SYN2: variants seen among roughly 807,000 people sequenced by gnomAD.
The protein encoded by SYN2 is synapsin II.
SYN2 carries 19 observed loss-of-function variants against 50.9 expected under a neutral mutation model. The ratio of observed to expected loss-of-function variants is 0.37; its 90% CI spans 0.26 to 0.55. The LOEUF is 0.55. SYN2 is among the 20% of genes least tolerant of loss of function. The pLI is 0.81. For synonymous variants in SYN2, 255 were observed against 224.9 expected (o/e 1.13, Z -1.20); for missense variants, 587 against 576.4 (o/e 1.02, Z -0.19).
chr3:12,059,744 G>A (rs927383414), intron 1 of SYN2, among the ~76,000 whole-genome samples: 4 of 151,882 alleles, frequency 2.6e-5, no homozygotes, highest in Admixed American at 1.3e-4. Context: ...CTAGCTAGGC[G>A]CCTGGAATTT....
chr3:12,025,169 G>C (rs9879260), intron 1 of SYN2, among the ~76,000 whole-genome samples: 1,564 of 152,144 alleles, frequency 0.01, 43 homozygotes, highest in African/African-American at 0.036. Context: ...CCCATCATGG[G>C]GGGGGAGGGG....
intron 1 of SYN2, among the ~76,000 whole-genome samples, chr3:12,078,809 A>G (rs1402687323): frequency 6.6e-6 from 1 of 152,168 alleles, no homozygotes; most frequent in Non-Finnish European, 1.5e-5. Context: ...TTTCATATGA[A>G]TTTTAAAATA....
intron 1 of SYN2, among the ~76,000 whole-genome samples, chr3:12,085,352 TACACAC>T (rs55795895): frequency 0.18 from 26,707 of 149,188 alleles, 2,489 homozygotes; most frequent in African/African-American, 0.21. Context: ...TGTTATGGAA[TACACAC>T]ACACACACAC....
Position 12,191,230 on chromosome 3 carries a change from C to T in SYN2, c.*605C>T. ...TCGGGAGAACAAGGATCTGCAGTTT[C>T]CCCTTTTCTCCCCTCTGAAGAGTGG... On this transcript the variant is annotated 3_prime_UTR_variant, in exon 13 of 13. Transcript: ENST00000621198. 2.1e-6 allele frequency: 2 copies of T among 959,682 alleles called. No homozygotes were observed. Among genetic ancestry groups the T allele is most frequent in the Non-Finnish European group, 2.5e-6 (2 of 806,538 alleles). 59.4% of individuals were successfully genotyped at this position (959,682 alleles called of 1,614,324 possible).
chr3:12,176,989 G>T (rs1698088045), intron 10 of SYN2, among the ~76,000 whole-genome samples: 1 of 152,184 alleles, frequency 6.6e-6, no homozygotes, highest in Non-Finnish European at 1.5e-5. Flanking sequence ...GGGGACTGGG[G>T]CTGTTGGAGC....
At position 12,187,546 on chromosome 3, in the gene SYN2, C is replaced by A. The variant is rs1220423606; in HGVS notation, c.1547C>A (p.Ser516Tyr). 1.9e-6 allele frequency: 3 copies of A among 1,552,328 alleles called. No homozygotes were observed. Among genetic ancestry groups the A allele is most frequent in the Non-Finnish European group, 2.6e-6 (3 of 1,147,222 alleles). Residue 516 changes from serine to tyrosine, a missense_variant, in exon 12 of 13, where the codon TCC becomes TAC. By Grantham distance (144) the Ser-to-Tyr change is moderately radical. Coordinates refer to ENST00000621198, the MANE Select transcript of SYN2 (RefSeq NM_133625.6). ...THGDAPSSSS[S>Y]LAEAQPPLAA... Reference sequence around the variant, plus strand: ...GGAGATGCACCCTCCAGCAGCAGCTCCCTGGCAGAGGCCCAGCCACCCCTG... The same window carrying A: ...GGAGATGCACCCTCCAGCAGCAGCTACCTGGCAGAGGCCCAGCCACCCCTG...
At chr3:12,179,145 A>G (rs1698162025) in intron 10 of SYN2, among the ~76,000 whole-genome samples, 1 of 152,086 alleles carries the variant, frequency 6.6e-6, no homozygotes, top group Non-Finnish European at 1.5e-5. Flanking sequence ...CTGATCACTA[A>G]GCCCAGTAGA....
chr3:12,124,772 T>C (rs930118353), intron 1 of SYN2, among the ~76,000 whole-genome samples: 1 of 152,136 alleles, frequency 6.6e-6, no homozygotes, highest in Non-Finnish European at 1.5e-5. Flanking sequence ...TATATACACA[T>C]GTAGTAAAAC....
chr3:12,111,391 A>C (rs1269220727), intron 1 of SYN2, among the ~76,000 whole-genome samples: 1 of 152,178 alleles, frequency 6.6e-6, no homozygotes, highest in Non-Finnish European at 1.5e-5. Context: ...GTGTAAATGG[A>C]CTAATACACT....
intron 1 of SYN2, among the ~76,000 whole-genome samples, chr3:12,092,609 T>C (rs935866856): frequency 1.3e-5 from 2 of 152,226 alleles, no homozygotes; most frequent in African/African-American, 4.8e-5. Context: ...ACCACTTATT[T>C]GGCATCCCTG....
In SYN2 at chr3:12,162,001, T is replaced by C. The variant is rs755678154; in HGVS notation, c.838-11T>C. On this transcript the variant is annotated splice_polypyrimidine_tract_variant and intron_variant, in intron 6 of 12. Coordinates refer to ENST00000621198, the MANE Select transcript of SYN2 (RefSeq NM_133625.6). ...CTCCCTTTCCCCCTTTCTGCCCTGCTCTAACATTAGGTCAAAGTGGAAAAC... is the reference window on the plus strand; with the variant it reads ...CTCCCTTTCCCCCTTTCTGCCCTGCCCTAACATTAGGTCAAAGTGGAAAAC... 1 of 1,613,938 alleles carries C rather than the reference T, an allele frequency of 6.2e-7. No individual in the cohort carries two copies. The highest frequency in any genetic ancestry group is 8.5e-7 in the Non-Finnish European group (1 of 1,179,852).
chr3:12,121,216 C>T (rs1696550940), intron 1 of SYN2, among the ~76,000 whole-genome samples: 1 of 152,152 alleles, frequency 6.6e-6, no homozygotes, highest in Non-Finnish European at 1.5e-5. Flanking sequence ...TCTTCTCATC[C>T]TAGAGTGTAC....
intron 1 of SYN2, among the ~76,000 whole-genome samples, chr3:12,010,444 G>A (rs936698524): frequency 6.6e-6 from 1 of 152,204 alleles, no homozygotes; most frequent in Non-Finnish European, 1.5e-5. Context: ...GAGAGGACAG[G>A]CATTTAAAGA....
intron 1 of SYN2, among the ~76,000 whole-genome samples, chr3:12,126,218 T>A (rs982192929): frequency 7.2e-5 from 11 of 152,332 alleles, no homozygotes; most frequent in Admixed American, 6.5e-4. Flanking sequence ...TTCCAAATGA[T>A]GTGCTTCATA....
At chr3:12,092,689 A>C (rs1024041153) in intron 1 of SYN2, among the ~76,000 whole-genome samples, 2 of 152,192 alleles carry the variant, frequency 1.3e-5, no homozygotes, top group Non-Finnish European at 2.9e-5. Context: ...TGGGGGTCAA[A>C]GACTGTGTTT....
rs142095294 is a variant in SYN2 at position 12,070,963 on chromosome 3, C to T, written c.377+66035C>T. On this transcript the variant is annotated intron_variant, in intron 1 of 12. Coordinates refer to ENST00000621198, the MANE Select transcript of SYN2 (RefSeq NM_133625.6). ...CTCTCTGGAGAAGAGCTAGGAGCTG[C>T]CTGACAGCCTGGTCATCACCATTGG... is the stretch of plus-strand genomic sequence containing the variant. The T allele has an allele frequency of 1.0e-3, 545 of 547,584 alleles. 7 individuals are homozygous for T. In the East Asian group the frequency reaches 0.023, roughly 23 times the overall value. The allele number at this position is 547,584 out of a possible 1,614,324, so 33.9% of individuals were successfully genotyped here.
intron 10 of SYN2, among the ~76,000 whole-genome samples, chr3:12,176,876 CT>C (rs1459121650): frequency 6.6e-6 from 1 of 152,138 alleles, no homozygotes; most frequent in African/African-American, 2.4e-5. Context: ...AGGGAGTAAA[CT>C]CTCTAACACT....
chr3:12,076,693 C>T (rs559889441), intron 1 of SYN2, among the ~76,000 whole-genome samples: 1 of 152,190 alleles, frequency 6.6e-6, no homozygotes, highest in African/African-American at 2.4e-5. Context: ...AGTATTATTA[C>T]TCACCAAAGC....
intron 7 of SYN2, among the ~76,000 whole-genome samples, chr3:12,165,005 T>TTTTTG (rs1697747650): frequency 9.4e-6 from 1 of 106,942 alleles, no homozygotes; most frequent in Non-Finnish European, 2.0e-5. Flanking sequence ...TTTTTTTTTT[T>TTTTTG]GAGACAGAGT....
Sources: allele counts gnomAD v4.1 joint callset (sites outside exome capture counted in the v4.1 genomes callset), GRCh38; gene constraint gnomAD v4.1.1; transcripts MANE v1.5; gene names NCBI Gene and HGNC (gene_info 2026-07-23, HGNC 2026-07-21).